PLSCR2: variants seen among roughly 807,000 people sequenced by gnomAD.
PLSCR2 encodes phospholipid scramblase 2.
In PLSCR2, 18 loss-of-function variants were observed where a neutral mutation model predicts 25.3. The ratio of observed to expected loss-of-function variants is 0.71; its 90% confidence interval spans 0.49 to 1.06. The LOEUF (loss-of-function observed/expected upper bound fraction) is 1.06, where lower values mean the gene tolerates loss of function less well. PLSCR2 is among the 50% of genes least tolerant of loss of function. The pLI is 0.00. For synonymous variants in PLSCR2, 88 were observed against 87.3 expected (o/e 1.01, Z -0.04); for missense variants, 243 against 269.5 (o/e 0.90, Z 0.69).
At chr3:146,454,017 C>T (rs147892419) in exon 5 of PLSCR2, 242 of 1,577,426 alleles carry the variant, frequency 1.5e-4, no homozygotes, top group Non-Finnish European at 1.9e-4. Flanking sequence ...AATCAACACC[C>T]GCAATACAGC....
intron 1 of PLSCR2, among the ~76,000 whole-genome samples, chr3:146,486,758 T>C (rs1576746480): frequency 1.3e-5 from 2 of 152,130 alleles, no homozygotes; most frequent in East Asian, 3.8e-4. Flanking sequence ...ACTGGTACCA[T>C]TCGTTCTGAA....
In PLSCR2 at chr3:146,479,759, C is replaced by G. The variant is rs371126776; in HGVS notation, c.-293+16136G>C. Among the ~76,000 whole-genome samples the G allele has an allele frequency of 2.6e-5, 4 of 152,302 alleles. No homozygotes were observed. The East Asian group carries it at 7.7e-4, about 29-fold the overall frequency. On this transcript the variant is annotated intron_variant, in intron 1 of 8. Transcript: ENST00000336685. ...ATCTAATAGACATCTACAGAACTCT[C>G]CACCCCAAATCAGTAGAATATACAT...
chr3:146,393,194 A>T (rs1291453040), intron 3 of PLSCR2, among the ~76,000 whole-genome samples: 1 of 106,610 alleles, frequency 9.4e-6, no homozygotes. Flanking sequence ...ACGCCCAACT[A>T]ATTTTTTGTA....
rs1056926716 is a variant in PLSCR2 at position 146,493,113 on chromosome 3, A to C, written c.-293+2782T>G. 2.0e-5 allele frequency among the ~76,000 whole-genome samples: 3 copies of C among 152,262 alleles called. No homozygotes were observed. The East Asian group carries it at 5.8e-4, about 29-fold the overall frequency. ...CCTCCCAACATTAAACCAGGAAGAA[A>C]TTGAAATCCTGAACAGACCAAAAAC... On this transcript the variant is annotated intron_variant, in intron 1 of 8. Transcript: ENST00000336685.
chr3:146,495,578 G>A (rs778722310), intron 1 of PLSCR2, among the ~76,000 whole-genome samples: 1 of 152,076 alleles, frequency 6.6e-6, no homozygotes. Context: ...ACCCCTCCCC[G>A]CTTCTGCCCT....
upstream of PLSCR2, among the ~76,000 whole-genome samples, chr3:146,462,357 C>T (rs924500250): frequency 6.6e-6 from 1 of 151,806 alleles, no homozygotes; most frequent in African/African-American, 2.4e-5. Flanking sequence ...CTCCCAAAGT[C>T]TTGGGATTAC....
chr3:146,453,826 A>G (rs2041037130), intron 5 of PLSCR2, among the ~76,000 whole-genome samples, 176 bp downstream of exon 5: 2 of 152,172 alleles, frequency 1.3e-5, no homozygotes, highest in Admixed American at 1.3e-4. Context: ...ATCATTATCA[A>G]TATTGACCTT....
At chr3:146,412,512 G>A (rs536918101) in intron 2 of PLSCR2, among the ~76,000 whole-genome samples, 3 of 152,106 alleles carry the variant, frequency 2.0e-5, no homozygotes, top group Non-Finnish European at 4.4e-5. Context: ...GGGCCTGCTC[G>A]AGCCATGGTT....
chr3:146,453,940 T>C (rs2041046509), intron 5 of PLSCR2, 62 bp downstream of exon 5: 2 of 1,330,970 alleles, frequency 1.5e-6, no homozygotes, highest in African/African-American at 1.5e-5. Flanking sequence ...TTCATAATAT[T>C]CTGCAAAATT....
chr3:146,447,142 G>A (rs1215093763), intron 6 of PLSCR2, among the ~76,000 whole-genome samples: 7 of 152,138 alleles, frequency 4.6e-5, no homozygotes, highest in Admixed American at 1.3e-4. Flanking sequence ...CAGGAGCCAC[G>A]GCCTGGAACA....
chr3:146,468,286 G>A (rs1397948049), intron 1 of PLSCR2, among the ~76,000 whole-genome samples: 1 of 152,180 alleles, frequency 6.6e-6, no homozygotes, highest in Non-Finnish European at 1.5e-5. Flanking sequence ...ACATCAGGGT[G>A]GCAATAAGAG....
chr3:146,452,215 A>G (rs2040944929), intron 5 of PLSCR2, among the ~76,000 whole-genome samples: 1 of 152,158 alleles, frequency 6.6e-6, no homozygotes, highest in African/African-American at 2.4e-5. Flanking sequence ...TCTGTAGAGA[A>G]GGAGAATTGG....
Position 146,404,823 on chromosome 3 carries a change from G to C in PLSCR2, c.101-8902C>G, listed in dbSNP as rs867925793. On this transcript the variant is annotated intron_variant and NMD_transcript_variant, in intron 2 of 3. Transcript: ENST00000463633. ...GAAGAAATAGGCAAAAAAAAAAAAG[G>C]GGGGGGGTGGTGGTTAACTGGTCCC... Among the ~76,000 whole-genome samples, 4 of 135,000 alleles carry C rather than the reference G, an allele frequency of 3.0e-5. No individual in the cohort carries two copies. In the East Asian group the frequency reaches 6.9e-4, roughly 23 times the overall value. The allele number at this position is 135,000 out of a possible 152,430, so 88.6% of individuals were successfully genotyped here.
chr3:146,409,417 G>A (rs2038770793), intron 2 of PLSCR2, among the ~76,000 whole-genome samples: 1 of 152,072 alleles, frequency 6.6e-6, no homozygotes, highest in African/African-American at 2.4e-5. Flanking sequence ...GTGAAAACGC[G>A]GCCTGGCTCA....
At chr3:146,477,161 C>T (rs78152557) in intron 1 of PLSCR2, among the ~76,000 whole-genome samples, 4,306 of 152,272 alleles carry the variant, frequency 0.028, 222 homozygotes, top group African/African-American at 0.096. Context: ...CAGCTCTCAG[C>T]GTGATCGATG....
chr3:146,476,535 C>T (rs1335764417), intron 1 of PLSCR2, among the ~76,000 whole-genome samples: 2 of 152,216 alleles, frequency 1.3e-5, no homozygotes, highest in Non-Finnish European at 2.9e-5. Context: ...TTCATCACTG[C>T]AGCTGCCTGC....
At chr3:146,433,419 G>A (rs2039625538) in exon 9 of PLSCR2, 1 of 152,108 alleles carries the variant, frequency 6.6e-6, no homozygotes, top group African/African-American at 2.4e-5. Context: ...CACAGATAGT[G>A]TGCGAGTTTT....
chr3:146,397,085 C>T (rs1295661963), intron 2 of PLSCR2, among the ~76,000 whole-genome samples: 1 of 152,052 alleles, frequency 6.6e-6, no homozygotes, highest in East Asian at 1.9e-4. Context: ...CCGGGTTCAT[C>T]AAGTATTCAG....
At chr3:146,397,243 A>T (rs905314477) in intron 2 of PLSCR2, among the ~76,000 whole-genome samples, 5 of 152,146 alleles carry the variant, frequency 3.3e-5, no homozygotes, top group African/African-American at 1.2e-4. Flanking sequence ...CAGAAATATA[A>T]GTAATGCAAG....
Sources: allele counts gnomAD v4.1 joint callset (sites outside exome capture counted in the v4.1 genomes callset), GRCh38; gene constraint gnomAD v4.1.1; transcripts MANE v1.5; gene names NCBI Gene and HGNC (gene_info 2026-07-23, HGNC 2026-07-21).